The following RBL1 variants were observed in gnomAD, a reference collection of about 807,000 sequenced individuals.
The protein encoded by RBL1 is retinoblastoma-like protein 1.
RBL1 carries 82 observed loss-of-function variants against 123.0 expected under a neutral mutation model. The ratio of observed to expected loss-of-function variants is 0.67; its 90% CI spans 0.56 to 0.80. RBL1 has a LOEUF of 0.80. RBL1 is among the 30% of genes least tolerant of loss of function. The probability of loss-of-function intolerance (pLI) is 0.00; values close to 1 mark genes in which losing one functional copy is unlikely to be tolerated. For synonymous variants in RBL1, 405 were observed against 441.3 expected, an observed-to-expected ratio of 0.92 and a Z score of 1.03; for missense variants, 1,171 against 1,299.6, an observed-to-expected ratio of 0.90 and a Z score of 1.52.
intron 16 of RBL1, among the ~76,000 whole-genome samples, chr20:37,027,272 T>C (rs1600488949): frequency 6.6e-6 from 1 of 151,652 alleles, no homozygotes; most frequent in African/African-American, 2.4e-5. Flanking sequence ...GCTTGGGAGG[T>C]AGACTGCAGT....
chr20:37,019,196 A>G (rs1209645216), intron 18 of RBL1, among the ~76,000 whole-genome samples: 2 of 152,094 alleles, frequency 1.3e-5, no homozygotes, highest in Non-Finnish European at 2.9e-5. Context: ...GGCGTGAGCC[A>G]CTGCGCCTGG....
intron 11 of RBL1, among the ~76,000 whole-genome samples, chr20:37,051,184 T>C (rs2064905852): frequency 1.1e-5 from 1 of 92,782 alleles, no homozygotes; most frequent in African/African-American, 4.5e-5. Flanking sequence ...CAGATCTTTT[T>C]TTCTTTTTTT....
At chr20:37,070,024 G>GAA (rs1264962963) in intron 2 of RBL1, among the ~76,000 whole-genome samples, 1 of 152,264 alleles carries the variant, frequency 6.6e-6, no homozygotes, top group East Asian at 1.9e-4. Context: ...TTGTGGAATA[G>GAA]AAGGGCGGGA....
intron 2 of RBL1, among the ~76,000 whole-genome samples, chr20:37,086,393 C>T (rs2065546196): frequency 6.6e-6 from 1 of 151,892 alleles, no homozygotes; most frequent in Admixed American, 6.6e-5. Flanking sequence ...TTGAAACCAT[C>T]CTGGCCAACA....
chr20:37,036,584 A>G (rs2064615318), intron 14 of RBL1, among the ~76,000 whole-genome samples: 1 of 147,386 alleles, frequency 6.8e-6, no homozygotes, highest in Non-Finnish European at 1.5e-5. Flanking sequence ...TTATTTTTAC[A>G]TTCACTAGAT....
chr20:37,021,585 C>T (rs1357521820), intron 17 of RBL1, among the ~76,000 whole-genome samples: 1 of 151,982 alleles, frequency 6.6e-6, no homozygotes, highest in Non-Finnish European at 1.5e-5. Flanking sequence ...GCTAGGACTA[C>T]AGGCGCGTGC....
At position 37,092,223 on chromosome 20, in the gene RBL1, G is replaced by T. The variant is rs548418563; in HGVS notation, c.157-3101C>A. Among the ~76,000 whole-genome samples the T allele has an allele frequency of 2.6e-5, 4 of 152,298 alleles. No homozygotes were observed. In the South Asian group the frequency reaches 8.3e-4, roughly 32 times the overall value. On this transcript the variant is annotated intron_variant, in intron 1 of 21. Coordinates refer to ENST00000373664, the MANE Select transcript of RBL1 (RefSeq NM_002895.5). ...AGAGTTGTTTGGGATTAGCATCCAA[G>T]TATTATAGAGCCTTTGGATACAGGC...
intron 2 of RBL1, among the ~76,000 whole-genome samples, chr20:37,084,567 T>C (rs1291509564): frequency 1.3e-5 from 2 of 152,042 alleles, no homozygotes; most frequent in Non-Finnish European, 2.9e-5. Flanking sequence ...AGCATGGTGG[T>C]GTATACCTGT....
rs2064289775 is a variant in RBL1 at position 37,018,369 on chromosome 20, C to T, written c.2632G>A (p.Val878Ile). The T allele has an allele frequency of 6.2e-7, 1 of 1,603,932 alleles. No individual in the cohort carries two copies. Among genetic ancestry groups the T allele is most frequent in the Non-Finnish European group, 8.5e-7 (1 of 1,176,642 alleles). ...YRNQPQANSH[V>I]YRSVLLKSIP... is the part of the protein sequence containing the mutation. ...CTTTTCAGCAGAACACTTCTATATA[C>T]CTACATGCCAGAGGGGAAGAAAAGG... The change falls in exon 19 of 22, where the codon GTA becomes ATA. Residue 878 changes from valine to isoleucine, a missense_variant and splice_region_variant. Coordinates refer to ENST00000373664, the MANE Select transcript of RBL1 (RefSeq NM_002895.5).
chr20:37,088,298 T>C (rs1021265188), intron 2 of RBL1, among the ~76,000 whole-genome samples: 16 of 148,796 alleles, frequency 1.1e-4, no homozygotes, highest in Admixed American at 8.7e-4. Context: ...GAGAGAAAGA[T>C]CTATATATTG....
intron 11 of RBL1, among the ~76,000 whole-genome samples, chr20:37,054,479 A>C (rs1027435765): frequency 6.6e-6 from 1 of 150,464 alleles, no homozygotes; most frequent in African/African-American, 2.4e-5. Context: ...GCGAGACTAC[A>C]TCTAAAAAAA....
At position 36,996,703 on chromosome 20, in the gene RBL1, T is replaced by C. The variant is rs2063892938; in HGVS notation, c.*2056A>G. The stretch of plus-strand genomic sequence containing the variant: ...ATCCTCCTGCCTCAGCCTCCCAAAG[T>C]GTTGGGATTATAGGCATGAGCCACA... On this transcript the variant is annotated 3_prime_UTR_variant, in exon 22 of 22. Coordinates refer to ENST00000373664, the MANE Select transcript of RBL1 (RefSeq NM_002895.5). The C allele has an allele frequency of 6.6e-6, 1 of 152,282 alleles. No individual in the cohort carries two copies. 9.4% of individuals were successfully genotyped at this position (152,282 alleles called of 1,614,324 possible).
At chr20:37,074,626 G>GTACA (rs1947846045) in intron 2 of RBL1, among the ~76,000 whole-genome samples, 1 of 152,036 alleles carries the variant, frequency 6.6e-6, no homozygotes, top group South Asian at 2.1e-4. Context: ...ACGTAAACTG[G>GTACA]TACAGTCACC....
rs917311517 is a variant in RBL1, at chr20:37,092,632, T to A, written c.156+3141A>T. On this transcript the variant is annotated intron_variant, in intron 1 of 21. Transcript: ENST00000373664. Reference sequence around the variant, plus strand: ...GCCTCAGCCTCCCAAAATGTCGGGATAACAGGTGTGAGCCACCATGCCCAG... The same window carrying A: ...GCCTCAGCCTCCCAAAATGTCGGGAAAACAGGTGTGAGCCACCATGCCCAG... Among the ~76,000 whole-genome samples, 2 of 152,120 alleles carry A rather than the reference T, an allele frequency of 1.3e-5. 1 individual carries two copies. Among genetic ancestry groups the A allele is most frequent in the Admixed American group, 1.3e-4 (2 of 15,264 alleles).
intron 19 of RBL1, among the ~76,000 whole-genome samples, chr20:37,011,387 TCA>T (rs1419637018): frequency 1.3e-5 from 2 of 151,758 alleles, no homozygotes; most frequent in East Asian, 3.9e-4. Flanking sequence ...TAGGCATATC[TCA>T]GTCAATGACC....
At chr20:37,043,432 A>C (rs2146265266) in intron 13 of RBL1, among the ~76,000 whole-genome samples, 1 of 151,906 alleles carries the variant, frequency 6.6e-6, no homozygotes, top group South Asian at 2.1e-4. Flanking sequence ...CAGACGTTGC[A>C]GTGAGCCGAG....
chr20:37,094,089 G>A (rs2065691046), intron 1 of RBL1, among the ~76,000 whole-genome samples: 1 of 152,208 alleles, frequency 6.6e-6, no homozygotes, highest in Non-Finnish European at 1.5e-5. Context: ...ATTCCAGGCA[G>A]AGGGAATGGC....
intron 2 of RBL1, among the ~76,000 whole-genome samples, chr20:37,070,177 C>G (rs2065262386): frequency 6.6e-6 from 1 of 152,138 alleles, no homozygotes; most frequent in Admixed American, 6.5e-5. Context: ...TACCCCCAAC[C>G]CTGTGCTCTC....
At chr20:37,013,552 C>A (rs940726773) in intron 19 of RBL1, among the ~76,000 whole-genome samples, 5 of 149,454 alleles carry the variant, frequency 3.3e-5, no homozygotes, top group African/African-American at 1.2e-4. Context: ...CCTGCCAAAT[C>A]TCCCTCTGCG....
Sources: gnomAD v4.1 joint callset for allele counts (sites outside exome capture counted in the v4.1 genomes callset) on GRCh38, gnomAD v4.1.1 for gene constraint, MANE v1.5 for transcripts, NCBI Gene and HGNC (gene_info 2026-07-23, HGNC 2026-07-21) for gene names.